The following DNMT1 variants were observed in gnomAD, a reference collection of about 807,000 sequenced individuals.
DNMT1 encodes the protein DNA methyltransferase 1.
A neutral mutation model predicts 205.3 loss-of-function variants in DNMT1; 24 were observed. That is an observed-to-expected ratio of 0.12 (90% CI 0.08 to 0.16). The LOEUF (loss-of-function observed/expected upper bound fraction) is 0.16, where lower values mean the gene tolerates loss of function less well. Ranked by LOEUF, DNMT1 falls within the 10% of genes least tolerant of loss-of-function variation. The probability of loss-of-function intolerance (pLI) is 1.00; values close to 1 mark genes in which losing one functional copy is unlikely to be tolerated. For synonymous variants in DNMT1, 817 were observed against 839.8 expected, an observed-to-expected ratio of 0.97 and a Z score of 0.47; for missense variants, 1,293 against 2,177.7, an observed-to-expected ratio of 0.59 and a Z score of 8.09.
At chr19:10,175,078 CAT>C (rs2038907788) in intron 7 of DNMT1, among the ~76,000 whole-genome samples, 2 of 107,324 alleles carry the variant, frequency 1.9e-5, no homozygotes, top group Non-Finnish European at 3.5e-5. Context: ...TAAATACATA[CAT>C]ACATACACAC....
In DNMT1 at chr19:10,166,263, T is replaced by A. The variant is rs189362754; in HGVS notation, c.891+335A>T. Among the ~76,000 whole-genome samples, 325 of 152,284 alleles carry A rather than the reference T, an allele frequency of 2.1e-3. 1 individual carries two copies. The highest frequency in any genetic ancestry group is 7.4e-3 in the African/African-American group (307 of 41,566). Reference sequence around the variant, plus strand: ...AAGAATCAAAGGTGTGGCTGACATGTGCGTCAGAGCTGACTGTGTGTCAAG... The same window carrying A: ...AAGAATCAAAGGTGTGGCTGACATGAGCGTCAGAGCTGACTGTGTGTCAAG... On this transcript the variant is annotated intron_variant, in intron 11 of 40. Coordinates refer to ENST00000359526, the MANE Select transcript of DNMT1 (RefSeq NM_001130823.3).
intron 2 of DNMT1, among the ~76,000 whole-genome samples, 199 bp from the exon 3 acceptor site, chr19:10,181,084 G>A (rs1160050479): frequency 6.6e-6 from 1 of 152,120 alleles, no homozygotes; most frequent in Non-Finnish European, 1.5e-5. Context: ...TCTCCAAAGT[G>A]GTGAAAAATG....
rs9305012 is a variant in DNMT1, at chr19:10,150,193, T to C, written c.2266-225A>G. Among the ~76,000 whole-genome samples, 21,261 of 152,176 alleles carry C rather than the reference T, an allele frequency of 0.14. 2,115 individuals carry two copies. Among genetic ancestry groups the C allele is most frequent in the East Asian group, 0.43 (2,229 of 5,166 alleles). ...CAGATGCTGTGGCCAAGGGCATCCA[T>C]GTCCCTCCCACTTCTGCTCTGCCAC... On this transcript the variant is annotated intron_variant, in intron 24 of 40. Transcript: ENST00000359526.
intron 37 of DNMT1, among the ~76,000 whole-genome samples, chr19:10,136,597 G>A (rs923990842): frequency 2.6e-5 from 4 of 151,940 alleles, no homozygotes; most frequent in African/African-American, 4.8e-5. Context: ...CACCACGCCC[G>A]GCTAATTTTT....
At chr19:10,168,475 G>T in intron 9 of DNMT1, 111 bp from the exon 10 acceptor site, 1 of 1,137,646 alleles carries the variant, frequency 8.8e-7, no homozygotes, top group Non-Finnish European at 1.3e-6. Flanking sequence ...GTCCACTGGT[G>T]GGAGTAAAGA....
At chr19:10,150,137 A>C (rs2038307302) in intron 24 of DNMT1, among the ~76,000 whole-genome samples, 169 bp from the exon 25 acceptor site, 1 of 152,186 alleles carries the variant, frequency 6.6e-6, no homozygotes, top group Non-Finnish European at 1.5e-5. Flanking sequence ...TTCAATAATA[A>C]GAAAAAAGAA....
chr19:10,194,912 A>AGCAGACGCGGCGGCGGCAGC lies in DNMT1; in HGVS notation c.-33_-14dup. On this transcript the variant is annotated 5_prime_UTR_variant, in exon 1 of 41. Transcript: ENST00000359526. ...TACGCGCCGGCATCTCGGAGGCTTC[A>AGCAGACGCGGCGGCGGCAGC]GCAGACGCGGCGGCGGCAGCGCAGG... is the stretch of plus-strand genomic sequence containing the variant. 2 of 1,602,112 alleles carry AGCAGACGCGGCGGCGGCAGC rather than the reference A, an allele frequency of 1.2e-6. No individual in the cohort carries two copies. The highest frequency in any genetic ancestry group is 1.7e-6 in the Non-Finnish European group (2 of 1,174,234).
At chr19:10,143,013 T>C (rs1307662742) in intron 29 of DNMT1, 1 of 153,414 alleles carries the variant, frequency 6.5e-6, no homozygotes, top group East Asian at 1.9e-4. Context: ...TATAGCTTCC[T>C]GTACAGGCTA....
intron 2 of DNMT1, 115 bp from the exon 3 acceptor site, chr19:10,181,000 T>A (rs1255719667): frequency 8.4e-6 from 7 of 832,970 alleles, no homozygotes; most frequent in East Asian, 2.6e-5. Flanking sequence ...TGGCAGGCAA[T>A]GCTGTCTCAG....
rs941042817 is a variant in DNMT1, at chr19:10,138,315, C to T, written c.4115+124G>A. The T allele has an allele frequency of 3.6e-5, 52 of 1,462,780 alleles. No individual in the cohort carries two copies. The highest frequency in any genetic ancestry group is 4.8e-5 in the Non-Finnish European group (51 of 1,065,594). The allele number at this position is 1,462,780 out of a possible 1,614,324, so 90.6% of individuals were successfully genotyped here. On this transcript the variant is annotated intron_variant, in intron 35 of 40. Coordinates refer to ENST00000359526, the MANE Select transcript of DNMT1 (RefSeq NM_001130823.3). This position sits in a 1 kb window ranked among gnomAD's most constrained non-coding sequence, Gnocchi z 4.1. ...GGCAGAGTGCCATGTGGCAGAGCAC[C>T]GTGTGGCAGGGCAGATGCTGTACCA...
intron 22 of DNMT1, among the ~76,000 whole-genome samples, chr19:10,152,126 T>A (rs1441447617): frequency 3.4e-5 from 4 of 116,102 alleles, no homozygotes; most frequent in African/African-American, 1.4e-4. Context: ...CACCACCATA[T>A]TCCAGCCTGG....
At chr19:10,136,785 GTC>G (rs1432881913) in intron 37 of DNMT1, among the ~76,000 whole-genome samples, 65 of 151,040 alleles carry the variant, frequency 4.3e-4, no homozygotes, top group Non-Finnish European at 1.5e-4. Context: ...TAGAGACAGG[GTC>G]TCACTCTGTC....
At chr19:10,175,439 T>G (rs747527476) in intron 7 of DNMT1, 101 bp downstream of exon 7, 28 of 1,405,386 alleles carry the variant, frequency 2.0e-5, no homozygotes, top group Non-Finnish European at 2.5e-5. Flanking sequence ...AATAGAGCCC[T>G]AGACAGGGTT....
At position 10,137,683 on chromosome 19, in the gene DNMT1, G is replaced by A; in HGVS notation, c.4293+149C>T. 1 of 1,127,142 alleles carries A rather than the reference G, an allele frequency of 8.9e-7. No individual in the cohort carries two copies. Among genetic ancestry groups the A allele is most frequent in the Non-Finnish European group, 1.3e-6 (1 of 775,072 alleles). The allele number at this position is 1,127,142 out of a possible 1,614,324, so 69.8% of individuals were successfully genotyped here. A position where few individuals can be genotyped will look rare whatever the true frequency, so the allele number is the denominator to read the frequency against. ...ACACTTCCCATGACCATGCAAGAGA[G>A]ACCAGGGGTCACACAAAGGCTGAGG... On this transcript the variant is annotated intron_variant, in intron 36 of 40. Coordinates refer to ENST00000359526, the MANE Select transcript of DNMT1 (RefSeq NM_001130823.3). This position sits in a 1 kb window ranked among gnomAD's most constrained non-coding sequence, Gnocchi z 6.4.
At chr19:10,165,827 T>C (rs1436332185) in intron 11 of DNMT1, among the ~76,000 whole-genome samples, 1 of 152,160 alleles carries the variant, frequency 6.6e-6, no homozygotes, top group Non-Finnish European at 1.5e-5. Context: ...GACCAACATT[T>C]GGACAGAAGA....
At chr19:10,168,687 C>T (rs972211989) in intron 9 of DNMT1, among the ~76,000 whole-genome samples, 3 of 148,722 alleles carry the variant, frequency 2.0e-5, no homozygotes, top group South Asian at 2.2e-4. Flanking sequence ...AATTCCTCTA[C>T]TACTTGTCAT....
rs765793648 is a variant in DNMT1, at chr19:10,138,502, G to T, written c.4052C>A (p.Ala1351Asp). Residue 1351 changes from alanine to aspartate, a missense_variant, in exon 35 of 41, where the codon GCT becomes GAT. Around this residue, in one of 13 missense-constraint regions of DNMT1, gnomAD observed 148 missense variants for 256.1 expected, o/e 0.58. Coordinates refer to ENST00000359526, the MANE Select transcript of DNMT1 (RefSeq NM_001130823.3). The surrounding 1 kb of genome is among the most constrained non-coding windows in gnomAD (Gnocchi z 4.1). ...PLFPEPLHVF[A>D]PRACQLSVVV... is the part of the protein sequence containing the mutation. ...CACGCTCAGCTGGCAGGCCCGGGGA[G>T]CAAACACGTGCAGTGGCTCCGGGAA... 1 of 1,613,636 alleles carries T rather than the reference G, an allele frequency of 6.2e-7. No individual in the cohort carries two copies. Among genetic ancestry groups the T allele is most frequent in the South Asian group, 1.1e-5 (1 of 91,088 alleles).
chr19:10,156,816 C>T lies in DNMT1; in HGVS notation c.1281-307G>A, dbSNP rs1599368611. 6.6e-6 allele frequency among the ~76,000 whole-genome samples: 1 copy of T among 151,878 alleles called. No homozygotes were observed. Among genetic ancestry groups the T allele is most frequent in the Non-Finnish European group, 1.5e-5 (1 of 67,956 alleles). ...TATTTTTAGTAGGGACGGGGTTTCA[C>T]TATGTGTAGCAGGCTGGTCTCAAAC... On this transcript the variant is annotated intron_variant, in intron 17 of 40. Transcript: ENST00000359526. This position sits in a 1 kb window ranked among gnomAD's most constrained non-coding sequence, Gnocchi z 4.2.
chr19:10,159,419 G>A lies in DNMT1; in HGVS notation c.1280+239C>T, dbSNP rs2038520999. On this transcript the variant is annotated intron_variant, in intron 17 of 40. Transcript: ENST00000359526. This position sits in a 1 kb window ranked among gnomAD's most constrained non-coding sequence, Gnocchi z 5.0. ...TCGGTAGGTTTCGCCATGTTGGCCA[G>A]GCTGGTCTCGAACTCCTGACCTGAA... Among the ~76,000 whole-genome samples, 1 of 152,168 alleles carries A rather than the reference G, an allele frequency of 6.6e-6. No homozygotes were observed. The highest frequency in any genetic ancestry group is 6.5e-5 in the Admixed American group (1 of 15,272).
Sources: gnomAD v4.1 joint callset for allele counts (sites outside exome capture counted in the v4.1 genomes callset) on GRCh38, gnomAD v4.1.1 for gene constraint, gnomAD v4.1.1 regional missense constraint, Gnocchi (gnomAD v3.1) non-coding constraint, MANE v1.5 for transcripts, NCBI Gene and HGNC (gene_info 2026-07-23, HGNC 2026-07-21) for gene names.